PDCD11: variants seen among roughly 807,000 people sequenced by gnomAD.
PDCD11 encodes programmed cell death 11, also known as protein RRP5 homolog.
Under a neutral mutation model 198.9 loss-of-function variants are expected in PDCD11, and 97 were observed. The observed-to-expected ratio is 0.49, with a 90% CI of 0.41 to 0.58. The LOEUF is 0.58. Ranked by LOEUF, PDCD11 falls within the 20% of genes least tolerant of loss-of-function variation. PDCD11 has a pLI of 0.00. For synonymous variants in PDCD11, 893 were observed against 918.0 expected, an observed-to-expected ratio of 0.97 and a Z score of 0.49; for missense variants, 2,102 against 2,312.7, an observed-to-expected ratio of 0.91 and a Z score of 1.87.
At chr10:103,421,252 T>A in intron 16 of PDCD11, 96 bp from the exon 17 acceptor site, 1 of 915,844 alleles carries the variant, frequency 1.1e-6, no homozygotes, top group Non-Finnish European at 1.7e-6. Flanking sequence ...TAGGCCCCAT[T>A]TCCCCCTACT....
intron 22 of PDCD11, 119 bp from the exon 23 acceptor site, chr10:103,433,829 T>TTCA: frequency 1.4e-6 from 1 of 738,534 alleles, no homozygotes; most frequent in Admixed American, 2.1e-5. Context: ...GAAGGGTGGA[T>TTCA]TCCTGTCTCT....
intron 25 of PDCD11, among the ~76,000 whole-genome samples, chr10:103,436,016 T>G (rs2032137970): frequency 6.6e-6 from 1 of 151,500 alleles, no homozygotes; most frequent in Admixed American, 6.6e-5. Flanking sequence ...CAAAAATTGG[T>G]CTCTTGTTTT....
chr10:103,437,208 C>T (rs1330328037), intron 25 of PDCD11, among the ~76,000 whole-genome samples: 2 of 152,202 alleles, frequency 1.3e-5, no homozygotes, highest in Non-Finnish European at 2.9e-5. Context: ...GTGGTGTGAT[C>T]GTAGCTCACT....
chr10:103,436,203 C>G (rs946690261), intron 25 of PDCD11, among the ~76,000 whole-genome samples: 1 of 151,918 alleles, frequency 6.6e-6, no homozygotes, highest in Admixed American at 6.6e-5. Flanking sequence ...TGGGTTCAAG[C>G]GATTCTTGTG....
chr10:103,432,346 A>G (rs1428820803), intron 22 of PDCD11, 112 bp downstream of exon 22: 5 of 754,818 alleles, frequency 6.6e-6, no homozygotes, highest in Admixed American at 2.1e-5. Flanking sequence ...CTGTGCTACC[A>G]TGCTGGGTTT....
intron 17 of PDCD11, 125 bp downstream of exon 17, chr10:103,421,692 C>T (rs1239499275): frequency 2.2e-5 from 15 of 682,148 alleles, no homozygotes; most frequent in African/African-American, 5.4e-5. Flanking sequence ...GGGCCGGGCG[C>T]GGTGGCTCAC....
chr10:103,409,576 C>T lies in PDCD11; in HGVS notation c.871-123C>T. ...AGGAAGAAAAGATTGTTAAGAGTTA[C>T]CTGGGAGAGGAGAGATACACAGTTA... On this transcript the variant is annotated intron_variant, in intron 7 of 35. Coordinates refer to ENST00000369797, the MANE Select transcript of PDCD11 (RefSeq NM_014976.2). The T allele has an allele frequency of 1.1e-5, 7 of 661,134 alleles. No homozygotes were observed. In the South Asian group the frequency reaches 1.3e-4, roughly 12 times the overall value. The allele number at this position is 661,134 out of a possible 1,614,324, so 41.0% of individuals were successfully genotyped here.
chr10:103,439,869 G>A lies in PDCD11; in HGVS notation c.4148+1G>A, dbSNP rs1196754729. 1.2e-6 allele frequency: 2 copies of A among 1,614,150 alleles called. No homozygotes were observed. Among genetic ancestry groups the A allele is most frequent in the Non-Finnish European group, 1.7e-6 (2 of 1,180,016 alleles). ...AGCTGCTCACAGCCAGGGTCCTACG[G>A]TAGGTGCCTTCCCGTTCTCTCTCTC... On this transcript the variant is annotated splice_donor_variant, in intron 28 of 35. Coordinates refer to ENST00000369797, the MANE Select transcript of PDCD11 (RefSeq NM_014976.2). LOFTEE classifies it high-confidence loss of function.
intron 33 of PDCD11, among the ~76,000 whole-genome samples, chr10:103,443,657 G>C (rs138915284): frequency 6.6e-6 from 1 of 152,160 alleles, no homozygotes; most frequent in African/African-American, 2.4e-5. Context: ...ACTCCCCCTT[G>C]TCATTCTCAT....
At position 103,418,676 on chromosome 10, in the gene PDCD11, G is replaced by A. The variant is rs201561822; in HGVS notation, c.2106+42G>A. 12 of 1,532,616 alleles carry A rather than the reference G, an allele frequency of 7.8e-6. No homozygotes were observed. The East Asian group carries it at 2.0e-4, about 26-fold the overall frequency. The allele number at this position is 1,532,616 out of a possible 1,614,324, so 94.9% of individuals were successfully genotyped here. The stretch of plus-strand genomic sequence containing the variant: ...TCTGTGGAGCAGAGGAAGGTGGGGG[G>A]CCATGGGTGCTTGGATGGGAAATTC... On this transcript the variant is annotated intron_variant, in intron 15 of 35. Coordinates refer to ENST00000369797, the MANE Select transcript of PDCD11 (RefSeq NM_014976.2).
At chr10:103,406,525 C>T in intron 6 of PDCD11, 84 bp from the exon 7 acceptor site, 2 of 1,276,320 alleles carry the variant, frequency 1.6e-6, no homozygotes, top group Non-Finnish European at 2.2e-6. Flanking sequence ...GGCCATGGGT[C>T]TTTTCAGGTA....
In PDCD11 at chr10:103,440,572, G is replaced by A. The variant is rs1429640791; in HGVS notation, c.4431G>A (p.Gly1477=). 3 of 1,611,180 alleles carry A rather than the reference G, an allele frequency of 1.9e-6. No homozygotes were observed. In the African/African-American group the frequency reaches 4.0e-5, roughly 22 times the overall value. The change falls in exon 29 of 36, where the codon GGG becomes GGA. Residue 1477 remains glycine, a synonymous_variant. Transcript: ENST00000369797. ...KRGGRECRES[G]SEQERVSKKP... Reference sequence around the variant, plus strand: ...GCGGGCGGGAGTGCCGGGAGTCTGGGAGTGAGCAGGTGAGGTCCTGCGGAG... The same window carrying A: ...GCGGGCGGGAGTGCCGGGAGTCTGGAAGTGAGCAGGTGAGGTCCTGCGGAG...
Position 103,434,066 on chromosome 10 carries a change from G to C in PDCD11, c.3564+29G>C. 4 of 1,565,200 alleles carry C rather than the reference G, an allele frequency of 2.6e-6. No individual in the cohort carries two copies. In the South Asian group the frequency reaches 4.4e-5, roughly 17 times the overall value. The stretch of plus-strand genomic sequence containing the variant: ...AGTGTGCTTGAGATCCCTGGAGAGG[G>C]GACCCAAGTTCCCTAAGCTTGGCCC... On this transcript the variant is annotated intron_variant, in intron 23 of 35. Transcript: ENST00000369797.
intron 30 of PDCD11, 40 bp from the exon 31 acceptor site, chr10:103,441,786 T>A: frequency 6.3e-7 from 1 of 1,597,108 alleles, no homozygotes; most frequent in Non-Finnish European, 8.6e-7. Flanking sequence ...GGGAGCAGCC[T>A]GAGCCAGGTG....
chr10:103,442,085 C>A, intron 31 of PDCD11, 110 bp downstream of exon 31: 1 of 1,535,966 alleles, frequency 6.5e-7, no homozygotes, highest in Non-Finnish European at 8.9e-7. Context: ...GAGGGGGCAG[C>A]GGCCAGTCCC....
chr10:103,445,645 A>G lies in PDCD11; in HGVS notation c.*96A>G. 1.0e-6 allele frequency: 1 copy of G among 972,380 alleles called. No individual in the cohort carries two copies. The highest frequency in any genetic ancestry group is 1.5e-6 in the Non-Finnish European group (1 of 656,044). The allele number at this position is 972,380 out of a possible 1,614,324, so 60.2% of individuals were successfully genotyped here. A position where few individuals can be genotyped will look rare whatever the true frequency, so the allele number is the denominator to read the frequency against. On this transcript the variant is annotated 3_prime_UTR_variant, in exon 36 of 36. Coordinates refer to ENST00000369797, the MANE Select transcript of PDCD11 (RefSeq NM_014976.2). ...CGGAAAACTGTTACCTCAGGACTCTATTTAAATGCTGCTTTTTCTGCAGCA... is the reference window on the plus strand; with the variant it reads ...CGGAAAACTGTTACCTCAGGACTCTGTTTAAATGCTGCTTTTTCTGCAGCA...
chr10:103,423,471 T>C (rs2031549511), intron 18 of PDCD11, 72 bp from the exon 19 acceptor site: 1 of 1,120,938 alleles, frequency 8.9e-7, no homozygotes, highest in Non-Finnish European at 1.4e-6. Flanking sequence ...GGGTAGCAGC[T>C]ACATGTGAGA....
Position 103,438,679 on chromosome 10 carries a change from C to A in PDCD11, c.3903-7C>A. 6.2e-7 allele frequency: 1 copy of A among 1,614,092 alleles called. No individual in the cohort carries two copies. The highest frequency in any genetic ancestry group is 8.5e-7 in the Non-Finnish European group (1 of 1,179,990). Reference sequence around the variant, plus strand: ...AAGGTGTGCATGTAAGCCTTTTATTCCTTTAGAACAAACCCGGAGACGAAA... The same window carrying A: ...AAGGTGTGCATGTAAGCCTTTTATTACTTTAGAACAAACCCGGAGACGAAA... On this transcript the variant is annotated splice_region_variant and splice_polypyrimidine_tract_variant and intron_variant, in intron 26 of 35. Transcript: ENST00000369797.
chr10:103,403,863 A>G (rs1027828187), intron 4 of PDCD11, among the ~76,000 whole-genome samples: 4 of 152,102 alleles, frequency 2.6e-5, no homozygotes, highest in African/African-American at 9.7e-5. Context: ...TAGATTCAAT[A>G]TGGGTGGTGG....
Sources: gnomAD v4.1 joint callset for allele counts (sites outside exome capture counted in the v4.1 genomes callset) on GRCh38, gnomAD v4.1.1 for gene constraint, MANE v1.5 for transcripts, NCBI Gene and HGNC (gene_info 2026-07-23, HGNC 2026-07-21) for gene names.